The following SLC14A2 variants were observed in gnomAD, a reference collection of about 807,000 sequenced individuals.
SLC14A2 encodes the protein solute carrier family 14 member 2, also known as urea transporter 2.
A neutral mutation model predicts 104.6 loss-of-function variants in SLC14A2; 91 were observed. That is an observed-to-expected ratio of 0.87 (90% confidence interval 0.73 to 1.04). The LOEUF is 1.04. Ranked by LOEUF, SLC14A2 falls within the 50% of genes least tolerant of loss-of-function variation. The pLI is 0.00. For synonymous variants in SLC14A2, 476 were observed against 466.4 expected, an observed-to-expected ratio of 1.02 and a Z score of -0.27; for missense variants, 1,189 against 1,156.0, an observed-to-expected ratio of 1.03 and a Z score of -0.41.
At chr18:45,538,645 T>G (rs1374852313) in intron 2 of SLC14A2, among the ~76,000 whole-genome samples, 1 of 152,168 alleles carries the variant, frequency 6.6e-6, no homozygotes, top group Non-Finnish European at 1.5e-5. Context: ...AGCCACAGTC[T>G]TTTTTATAAC....
intron 1 of SLC14A2, among the ~76,000 whole-genome samples, chr18:45,476,797 C>A (rs1164342019): frequency 6.6e-6 from 1 of 152,158 alleles, no homozygotes; most frequent in Non-Finnish European, 1.5e-5. Context: ...GTGTATGCTT[C>A]ATGAAGTTCT....
intron 1 of SLC14A2, among the ~76,000 whole-genome samples, chr18:45,396,665 T>C (rs1406622893): frequency 2.0e-5 from 3 of 149,530 alleles, no homozygotes; most frequent in African/African-American, 4.9e-5. Context: ...TTTTTCCCTC[T>C]TTTTTTTTAA....
rs538609093 is a variant in SLC14A2 at position 45,258,139 on chromosome 18, T to C, written c.-125+44948T>C. ...TATAACCCCCAAGGCATAAAAGGCA[T>C]AAATCACTTTTCCAAGGTCACCTGT... On this transcript the variant is annotated intron_variant, in intron 1 of 20. Coordinates refer to the SLC14A2 transcript ENST00000586448. Among the ~76,000 whole-genome samples the C allele has an allele frequency of 2.1e-5, 3 of 145,180 alleles. No individual in the cohort carries two copies. In the East Asian group the frequency reaches 5.9e-4, roughly 28 times the overall value.
chr18:45,330,311 C>T (rs543825897), intron 1 of SLC14A2, among the ~76,000 whole-genome samples: 1 of 152,290 alleles, frequency 6.6e-6, no homozygotes, highest in African/African-American at 2.4e-5. Context: ...TAAGCCTGTC[C>T]AGCTGGACTT....
At chr18:45,515,493 C>T (rs962347073) in intron 2 of SLC14A2, 4 of 152,118 alleles carry the variant, frequency 2.6e-5, no homozygotes, top group Admixed American at 6.6e-5. Context: ...GGGTTAAGTT[C>T]GGATTGGGGG....
intron 1 of SLC14A2, among the ~76,000 whole-genome samples, chr18:45,215,433 A>C (rs1311809857): frequency 6.6e-6 from 1 of 152,216 alleles, no homozygotes; most frequent in Non-Finnish European, 1.5e-5. Context: ...AGAAAAAAAA[A>C]GAAATGGATG....
intron 2 of SLC14A2, among the ~76,000 whole-genome samples, chr18:45,505,076 A>T (rs1197352617): frequency 6.6e-6 from 1 of 152,200 alleles, no homozygotes; most frequent in Non-Finnish European, 1.5e-5. Context: ...AAATAAAAGT[A>T]AAGTGACTCT....
chr18:45,260,688 C>A (rs1379534431), intron 1 of SLC14A2, among the ~76,000 whole-genome samples: 1 of 152,076 alleles, frequency 6.6e-6, no homozygotes, highest in Non-Finnish European at 1.5e-5. Flanking sequence ...AGGGCATTAT[C>A]CTTGAATTAA....
At chr18:45,212,657 G>A (rs984527642), upstream of SLC14A2, among the ~76,000 whole-genome samples, 3 of 152,042 alleles carry the variant, frequency 2.0e-5, no homozygotes, top group Non-Finnish European at 4.4e-5. Context: ...TATTGTATGT[G>A]TGTGCACATG....
At chr18:45,339,421 C>T (rs940689078) in intron 1 of SLC14A2, among the ~76,000 whole-genome samples, 5 of 152,176 alleles carry the variant, frequency 3.3e-5, no homozygotes, top group African/African-American at 1.2e-4. Context: ...TGAATGCCTG[C>T]AGTAGGTGCC....
At chr18:45,385,749 G>A (rs2085888584) in intron 1 of SLC14A2, among the ~76,000 whole-genome samples, 1 of 152,154 alleles carries the variant, frequency 6.6e-6, no homozygotes, top group Non-Finnish European at 1.5e-5. Context: ...GATTAGGACT[G>A]ACTTGAAAAC....
chr18:45,611,294 G>A (rs1036515879), upstream of SLC14A2, among the ~76,000 whole-genome samples: 1 of 152,132 alleles, frequency 6.6e-6, no homozygotes. Flanking sequence ...CCCCTCCCAG[G>A]GACAGCCCTT....
intron 1 of SLC14A2, among the ~76,000 whole-genome samples, chr18:45,226,486 G>A (rs2084118347): frequency 1.3e-5 from 2 of 152,072 alleles, no homozygotes; most frequent in Admixed American, 1.3e-4. Flanking sequence ...ATACTATGCA[G>A]CCATAAAAAA....
At chr18:45,507,177 G>C (rs916059511) in intron 2 of SLC14A2, 1 of 152,298 alleles carries the variant, frequency 6.6e-6, no homozygotes, top group African/African-American at 2.4e-5. Context: ...ACTGAAATGA[G>C]CACTACAGAC....
At chr18:45,676,595 G>C (rs1195337887) in intron 18 of SLC14A2, among the ~76,000 whole-genome samples, 1 of 151,776 alleles carries the variant, frequency 6.6e-6, no homozygotes, top group Non-Finnish European at 1.5e-5. Context: ...CATACCTGAG[G>C]CTGGGGGAAG....
At chr18:45,242,859 G>T (rs993490718) in intron 1 of SLC14A2, among the ~76,000 whole-genome samples, 1 of 152,176 alleles carries the variant, frequency 6.6e-6, no homozygotes, top group Non-Finnish European at 1.5e-5. Flanking sequence ...AGGGAAGCAT[G>T]GGGTGGTGTT....
At chr18:45,199,357 C>T in the SLC14A2 span, among the ~76,000 whole-genome samples, 4 of 152,012 alleles carry the variant, frequency 2.6e-5, no homozygotes, top group Non-Finnish European at 5.9e-5. Context: ...TTCTAAAATT[C>T]TTATCAGACA....
At chr18:45,571,988 C>T (rs1371856496) in intron 2 of SLC14A2, among the ~76,000 whole-genome samples, 7 of 151,920 alleles carry the variant, frequency 4.6e-5, no homozygotes, top group Non-Finnish European at 1.0e-4. Flanking sequence ...AGTGCATAGA[C>T]CCCATCCTGG....
intron 1 of SLC14A2, among the ~76,000 whole-genome samples, chr18:45,391,464 T>C (rs1421490172): frequency 2.0e-5 from 3 of 152,228 alleles, no homozygotes; most frequent in South Asian, 2.1e-4. Context: ...CTGGGTCAAA[T>C]GGTATTTCTA....
Sources: allele counts gnomAD v4.1 joint callset (sites outside exome capture counted in the v4.1 genomes callset), GRCh38; gene constraint gnomAD v4.1.1; transcripts MANE v1.5; gene names NCBI Gene and HGNC (gene_info 2026-07-23, HGNC 2026-07-21).